Variants in AGMO observed in about 807,000 individuals in gnomAD.
The protein encoded by AGMO is glyceryl-ether monooxygenase.
A neutral mutation model predicts 60.2 loss-of-function variants in AGMO; 75 were observed. The observed-to-expected ratio is 1.25, with a 90% CI of 1.03 to 1.51. AGMO has a LOEUF of 1.51. Among genes scored for constraint, AGMO ranks in the 40% most tolerant of loss-of-function variants. The probability of loss-of-function intolerance (pLI) is 0.00; values close to 1 mark genes in which losing one functional copy is unlikely to be tolerated. For synonymous variants in AGMO, 261 were observed against 177.1 expected, an observed-to-expected ratio of 1.47 and a Z score of -3.76; for missense variants, 763 against 525.5, an observed-to-expected ratio of 1.45 and a Z score of -4.42.
intron 3 of AGMO, among the ~76,000 whole-genome samples, chr7:15,543,248 C>CT (rs1784680980): frequency 6.6e-6 from 1 of 152,244 alleles, no homozygotes; most frequent in Non-Finnish European, 1.5e-5. Flanking sequence ...CTTTGGCATG[C>CT]TTTTTTCTCC....
the AGMO span, among the ~76,000 whole-genome samples, chr7:15,193,040 G>A: frequency 6.6e-6 from 1 of 152,096 alleles, no homozygotes; most frequent in African/African-American, 2.4e-5. Context: ...TGAAGATATT[G>A]TTTCTAATAT....
At chr7:15,413,765 T>C (rs1780679212) in intron 5 of AGMO, among the ~76,000 whole-genome samples, 1 of 152,108 alleles carries the variant, frequency 6.6e-6, no homozygotes, top group African/African-American at 2.4e-5. Flanking sequence ...CATCTTAAGG[T>C]AGACAAAAAC....
chr7:15,367,470 GCAAA>G (rs938265520), intron 10 of AGMO, among the ~76,000 whole-genome samples: 5 of 151,638 alleles, frequency 3.3e-5, no homozygotes, highest in African/African-American at 4.8e-5. Context: ...TTAAAAAAAC[GCAAA>G]CAATCTGGGA....
chr7:15,488,923 T>C (rs1296509228), intron 3 of AGMO, among the ~76,000 whole-genome samples: 1 of 149,950 alleles, frequency 6.7e-6, no homozygotes, highest in Admixed American at 6.7e-5. Context: ...AAACTGTGTG[T>C]TGAGATGGTT....
At chr7:15,387,365 A>G in intron 9 of AGMO, 41 bp downstream of exon 9, 1 of 1,600,188 alleles carries the variant, frequency 6.2e-7, no homozygotes, top group South Asian at 1.1e-5. Context: ...TGACAATATG[A>G]GACAATCTTC....
intron 3 of AGMO, among the ~76,000 whole-genome samples, chr7:15,470,553 A>G (rs1234200220): frequency 6.6e-6 from 1 of 152,010 alleles, no homozygotes; most frequent in Non-Finnish European, 1.5e-5. Context: ...TTTCAGCTAT[A>G]TTAAATTAAA....
intron 12 of AGMO, among the ~76,000 whole-genome samples, chr7:15,329,357 T>TA (rs1781434399): frequency 6.6e-6 from 1 of 152,150 alleles, no homozygotes; most frequent in African/African-American, 2.4e-5. Context: ...TCCAGGCACA[T>TA]AGGTGATGAG....
chr7:15,524,215 T>C (rs970963769), intron 3 of AGMO, among the ~76,000 whole-genome samples: 1 of 152,072 alleles, frequency 6.6e-6, no homozygotes, highest in Non-Finnish European at 1.5e-5. Context: ...TAAGATTATA[T>C]ATACTTTTTT....
intron 5 of AGMO, chr7:15,396,152 G>C (rs1562485783): frequency 6.6e-6 from 1 of 152,226 alleles, no homozygotes; most frequent in East Asian, 1.9e-4. Flanking sequence ...TGTAAACCTT[G>C]TTTTATATGT....
rs1554274867 is a variant in AGMO, at chr7:15,459,599, T to TGTG, written c.410-28492_410-28491insCAC. On this transcript the variant is annotated intron_variant, in intron 3 of 12. Coordinates refer to ENST00000342526, the MANE Select transcript of AGMO (RefSeq NM_001004320.2). ...GATCTTTAAATGTGTGTATGTGCGT[T>TGTG]TGTGTGTGTGTGTGTGTGTGTGTGT... 5.5e-4 allele frequency among the ~76,000 whole-genome samples: 78 copies of TGTG among 142,234 alleles called. 1 individual carries two copies. The highest frequency in any genetic ancestry group is 1.3e-3 in the African/African-American group (48 of 38,072). The allele number at this position is 142,234 out of a possible 152,430, so 93.3% of individuals were successfully genotyped here. A position where few individuals can be genotyped will look rare whatever the true frequency, so the allele number is the denominator to read the frequency against.
chr7:15,503,132 G>C (rs1408227446), intron 3 of AGMO, among the ~76,000 whole-genome samples: 1 of 151,858 alleles, frequency 6.6e-6, no homozygotes, highest in Non-Finnish European at 1.5e-5. Flanking sequence ...TATTCATTCA[G>C]TTCTTTCCTC....
rs562667253 is a variant in AGMO at position 15,385,518 on chromosome 7, T to C, written c.1002A>G (p.Leu334=). The change falls in exon 10 of 13, where the codon CTA becomes CTG. Residue 334 remains leucine, a synonymous_variant. Coordinates refer to ENST00000342526, the MANE Select transcript of AGMO (RefSeq NM_001004320.2). ...EVPFSSSSSQ[L]LKIYTVVQFA... ...ACTGTACAACTGTATATATCTTTAA[T>C]AGCTGAGATGAAGATGATGAGAAGG... is the stretch of plus-strand genomic sequence containing the variant. 4 of 1,613,354 alleles carry C rather than the reference T, an allele frequency of 2.5e-6. No individual in the cohort carries two copies. The highest frequency in any genetic ancestry group is 1.7e-5 in the Admixed American group (1 of 59,972).
At chr7:15,210,793 G>A (rs909793766) in intron 12 of AGMO, among the ~76,000 whole-genome samples, 1 of 151,892 alleles carries the variant, frequency 6.6e-6, no homozygotes, top group Non-Finnish European at 1.5e-5. Flanking sequence ...TTTCCTCCAA[G>A]GTGGTAGAAT....
At chr7:15,408,984 C>T (rs1490849055) in intron 5 of AGMO, among the ~76,000 whole-genome samples, 1 of 151,260 alleles carries the variant, frequency 6.6e-6, no homozygotes, top group African/African-American at 2.4e-5. Flanking sequence ...AGAGAAAATG[C>T]AAAAATTGGG....
chr7:15,211,450 C>T (rs967717469), intron 12 of AGMO, among the ~76,000 whole-genome samples: 8 of 151,794 alleles, frequency 5.3e-5, no homozygotes, highest in African/African-American at 1.9e-4. Flanking sequence ...AAATAGAATT[C>T]TGCAAAGTGG....
intron 5 of AGMO, among the ~76,000 whole-genome samples, chr7:15,394,774 G>A (rs1211273783): frequency 1.3e-5 from 2 of 152,144 alleles, no homozygotes; most frequent in Non-Finnish European, 2.9e-5. Flanking sequence ...TACGGCATTA[G>A]GGTGATCCTA....
In AGMO at chr7:15,386,583, T is replaced by C. The variant is rs866792562; in HGVS notation, c.957+823A>G. Among the ~76,000 whole-genome samples, 5 of 152,310 alleles carry C rather than the reference T, an allele frequency of 3.3e-5. 1 individual carries two copies. The South Asian group carries it at 6.2e-4, about 19-fold the overall frequency. ...ACTTATTCCTAGCGGCGTTGGTAAC[T>C]GAATGAGAAAATGTCATTATTTAGA... On this transcript the variant is annotated intron_variant, in intron 9 of 12. Transcript: ENST00000342526.
the AGMO span, among the ~76,000 whole-genome samples, chr7:15,121,521 GT>G: frequency 6.6e-6 from 1 of 152,032 alleles, no homozygotes; most frequent in Non-Finnish European, 1.5e-5. Flanking sequence ...CTTCTAACTG[GT>G]ATGAGATGGT....
intron 12 of AGMO, among the ~76,000 whole-genome samples, chr7:15,237,843 T>C (rs1782473458): frequency 2.0e-5 from 3 of 152,078 alleles, no homozygotes; most frequent in Admixed American, 1.3e-4. Flanking sequence ...AATTGTAAAT[T>C]ATTTCTCTGC....
Sources: allele counts gnomAD v4.1 joint callset (sites outside exome capture counted in the v4.1 genomes callset), GRCh38; gene constraint gnomAD v4.1.1; transcripts MANE v1.5; gene names NCBI Gene and HGNC (gene_info 2026-07-23, HGNC 2026-07-21).